ZNF804B: variants seen among roughly 807,000 people sequenced by gnomAD.
The protein encoded by ZNF804B is zinc finger 804B.
ZNF804B carries 80 observed loss-of-function variants against 101.4 expected under a neutral mutation model. The ratio of observed to expected loss-of-function variants is 0.79; its 90% CI spans 0.66 to 0.95. The LOEUF is 0.95. Ranked by LOEUF, ZNF804B falls within the 40% of genes least tolerant of loss-of-function variation. The pLI is 0.00. For synonymous variants in ZNF804B, 622 were observed against 558.8 expected (o/e 1.11, Z -1.59); for missense variants, 1,673 against 1,561.9 (o/e 1.07, Z -1.20).
At chr7:89,034,219 A>G (rs1333196162) in intron 1 of ZNF804B, among the ~76,000 whole-genome samples, 2 of 152,150 alleles carry the variant, frequency 1.3e-5, no homozygotes, top group Non-Finnish European at 2.9e-5. Context: ...AGTCACTGCC[A>G]TATAATTAGA....
At chr7:88,884,103 A>G (rs533277082) in intron 1 of ZNF804B, among the ~76,000 whole-genome samples, 24 of 151,910 alleles carry the variant, frequency 1.6e-4, no homozygotes, top group African/African-American at 5.8e-4. Context: ...CCCTTAGGGT[A>G]TTATTTTATA....
intron 1 of ZNF804B, among the ~76,000 whole-genome samples, chr7:88,845,299 G>GCACACACACACACACACA (rs369657042): frequency 3.6e-5 from 5 of 138,400 alleles, no homozygotes; most frequent in South Asian, 2.4e-4. Flanking sequence ...GCGCACGCGC[G>GCACACACACACACACACA]CGCACACACA....
At chr7:89,219,815 A>G (rs1788954052) in intron 2 of ZNF804B, among the ~76,000 whole-genome samples, 1 of 150,246 alleles carries the variant, frequency 6.7e-6, no homozygotes, top group African/African-American at 2.5e-5. Flanking sequence ...CATCACTAGC[A>G]TTATATTGAG....
At chr7:88,958,337 C>T (rs796360212) in intron 1 of ZNF804B, among the ~76,000 whole-genome samples, 34 of 151,550 alleles carry the variant, frequency 2.2e-4, no homozygotes, top group African/African-American at 8.0e-4. Flanking sequence ...GGAGGCTCCT[C>T]GTGCATATGA....
intron 1 of ZNF804B, among the ~76,000 whole-genome samples, chr7:89,171,055 A>G (rs538325905): frequency 6.6e-6 from 1 of 152,332 alleles, no homozygotes; most frequent in African/African-American, 2.4e-5. Flanking sequence ...GCACCAGGAA[A>G]AAAAGTGTTT....
At chr7:88,992,581 A>G (rs1793861903) in intron 1 of ZNF804B, among the ~76,000 whole-genome samples, 1 of 152,270 alleles carries the variant, frequency 6.6e-6, no homozygotes, top group East Asian at 1.9e-4. Context: ...AGCTCATTTT[A>G]GAGAAAATGA....
chr7:89,108,347 CAG>C (rs1451930363), intron 1 of ZNF804B, among the ~76,000 whole-genome samples: 3 of 151,584 alleles, frequency 2.0e-5, no homozygotes, highest in African/African-American at 7.3e-5. Context: ...TTCTCTGCTA[CAG>C]AGAGAGGAAG....
At chr7:88,987,142 C>T (rs1242532795) in intron 1 of ZNF804B, among the ~76,000 whole-genome samples, 1 of 152,044 alleles carries the variant, frequency 6.6e-6, no homozygotes, top group African/African-American at 2.4e-5. Flanking sequence ...CCTTACTAAG[C>T]TCTCTTCATC....
chr7:89,288,267 G>C (rs2115889930), intron 2 of ZNF804B, among the ~76,000 whole-genome samples: 1 of 152,088 alleles, frequency 6.6e-6, no homozygotes, highest in South Asian at 2.1e-4. Flanking sequence ...AATGTGGGTA[G>C]AACACAGTCA....
At chr7:88,910,562 G>A (rs1384685522) in intron 1 of ZNF804B, among the ~76,000 whole-genome samples, 1 of 151,800 alleles carries the variant, frequency 6.6e-6, no homozygotes, top group Non-Finnish European at 1.5e-5. Flanking sequence ...CCATTCAGTG[G>A]CTGGTAAATA....
At chr7:89,083,424 G>A (rs1181635079) in intron 1 of ZNF804B, among the ~76,000 whole-genome samples, 1 of 151,288 alleles carries the variant, frequency 6.6e-6, no homozygotes, top group Non-Finnish European at 1.5e-5. Flanking sequence ...GATCATTTGG[G>A]GGAATGTCTA....
At chr7:88,998,382 T>C (rs1788229982) in intron 1 of ZNF804B, among the ~76,000 whole-genome samples, 1 of 151,974 alleles carries the variant, frequency 6.6e-6, no homozygotes, top group African/African-American at 2.4e-5. Flanking sequence ...TGAATGTGCA[T>C]AAATGACATT....
intron 1 of ZNF804B, among the ~76,000 whole-genome samples, chr7:89,175,507 G>A (rs1356297490): frequency 1.3e-5 from 2 of 152,012 alleles, no homozygotes; most frequent in Non-Finnish European, 2.9e-5. Flanking sequence ...TAGGTAATGT[G>A]ATTCTTCCAG....
At chr7:88,906,490 T>C (rs893370391) in intron 1 of ZNF804B, among the ~76,000 whole-genome samples, 3 of 152,170 alleles carry the variant, frequency 2.0e-5, no homozygotes, top group African/African-American at 7.2e-5. Flanking sequence ...AATTGTAATG[T>C]TCACCCAGGA....
intron 2 of ZNF804B, among the ~76,000 whole-genome samples, chr7:89,268,454 T>A (rs1210461304): frequency 2.6e-5 from 4 of 152,136 alleles, no homozygotes. Context: ...TCCAACAACA[T>A]TGCAAACATT....
chr7:89,173,512 T>A (rs1791270563), intron 1 of ZNF804B, among the ~76,000 whole-genome samples: 1 of 152,088 alleles, frequency 6.6e-6, no homozygotes, highest in South Asian at 2.1e-4. Context: ...TCAATTTAGT[T>A]TCAAACTAGA....
intron 1 of ZNF804B, among the ~76,000 whole-genome samples, chr7:88,849,786 C>A (rs2115825774): frequency 6.6e-6 from 1 of 151,598 alleles, no homozygotes; most frequent in Admixed American, 6.6e-5. Context: ...ATTCAAGCCT[C>A]ATTTAAATAT....
chr7:88,959,764 A>T (rs1345823335), intron 1 of ZNF804B, among the ~76,000 whole-genome samples: 1 of 151,416 alleles, frequency 6.6e-6, no homozygotes, highest in Non-Finnish European at 1.5e-5. Context: ...GGAGGGATGG[A>T]AGTGGTTTAT....
At chr7:88,862,839 C>T (rs948491140) in intron 1 of ZNF804B, among the ~76,000 whole-genome samples, 8 of 152,106 alleles carry the variant, frequency 5.3e-5, no homozygotes, top group African/African-American at 1.9e-4. Context: ...TATTCACTAT[C>T]CTGCACTCTG....
Sources: allele counts gnomAD v4.1 joint callset (sites outside exome capture counted in the v4.1 genomes callset), GRCh38; gene constraint gnomAD v4.1.1; transcripts MANE v1.5; gene names NCBI Gene and HGNC (gene_info 2026-07-23, HGNC 2026-07-21).